The following C2CD3 variants were observed in gnomAD, a reference collection of about 807,000 sequenced individuals.
The protein encoded by C2CD3 is C2 domain containing 3 centriole elongation regulator.
In C2CD3, 148 loss-of-function variants were observed where a neutral mutation model predicts 234.0. That is an observed-to-expected ratio of 0.63 (90% CI 0.55 to 0.72). C2CD3 has a LOEUF of 0.72. Ranked by LOEUF, C2CD3 falls within the 30% of genes least tolerant of loss-of-function variation. C2CD3 has a pLI of 0.00. For missense variants in C2CD3, 2,577 were observed against 2,811.5 expected, an observed-to-expected ratio of 0.92 and a Z score of 1.89; for synonymous variants, 1,000 against 1,035.4, an observed-to-expected ratio of 0.97 and a Z score of 0.66.
At chr11:74,122,665 T>C (rs1182212248) in intron 8 of C2CD3, among the ~76,000 whole-genome samples, 2 of 152,210 alleles carry the variant, frequency 1.3e-5, no homozygotes, top group African/African-American at 4.8e-5. Flanking sequence ...GTTCTGAGGG[T>C]ATAACTACAT....
At chr11:74,104,163 C>T (rs1956425092) in intron 13 of C2CD3, among the ~76,000 whole-genome samples, 1 of 152,114 alleles carries the variant, frequency 6.6e-6, no homozygotes, top group Non-Finnish European at 1.5e-5. Context: ...GAGGAACATT[C>T]TTTAAAATAA....
At position 74,078,468 on chromosome 11, in the gene C2CD3, G is replaced by C. The variant is rs1205776567; in HGVS notation, c.4250C>G (p.Pro1417Arg). Residue 1417 changes from proline (P) to arginine (R), a missense_variant, in exon 23 of 33, where the codon CCC becomes CGC. Transcript: ENST00000334126. ...VTISTPRLWL[P>R]IHCVLLAGHN... ...GCCAGCAAGCAGCACACAATGGATG[G>C]GCAGCCACAGCCTTGGGGTGGAGAT... is the stretch of plus-strand genomic sequence containing the variant. 6.2e-7 allele frequency: 1 copy of C among 1,614,136 alleles called. No homozygotes were observed. Among genetic ancestry groups the C allele is most frequent in the Admixed American group, 1.7e-5 (1 of 60,018 alleles).
At chr11:74,137,201 C>G (rs1034807842) in intron 5 of C2CD3, among the ~76,000 whole-genome samples, 3 of 151,950 alleles carry the variant, frequency 2.0e-5, no homozygotes, top group African/African-American at 7.2e-5. Context: ...TCTCACCTTC[C>G]TGGCTTCATA....
intron 26 of C2CD3, 43 bp downstream of exon 26, chr11:74,054,564 T>C: frequency 8.7e-7 from 1 of 1,144,122 alleles, no homozygotes; most frequent in Non-Finnish European, 1.3e-6. Context: ...GATGTGAGCT[T>C]ATTTTTACAA....
At chr11:74,060,131 G>C (rs992111002) in intron 24 of C2CD3, among the ~76,000 whole-genome samples, 1 of 152,228 alleles carries the variant, frequency 6.6e-6, no homozygotes, top group Non-Finnish European at 1.5e-5. Flanking sequence ...AGCTCGAACT[G>C]GGTGGAGCCC....
At chr11:74,088,197 C>T (rs1250010982) in intron 20 of C2CD3, among the ~76,000 whole-genome samples, 2 of 152,086 alleles carry the variant, frequency 1.3e-5, no homozygotes, top group Admixed American at 6.5e-5. Flanking sequence ...TATATTTGTA[C>T]AATAGTTTGT....
At position 74,078,687 on chromosome 11, in the gene C2CD3, G is replaced by A. The variant is rs150661838; in HGVS notation, c.4031C>T (p.Pro1344Leu). ...GCCATGAGGTAGGCCCCCGTCTTCT[G>A]GTAAAATGATAGGATACCATCCTGT... ...GITGWYPIIL[P>L]EDGGLPHGLE... Residue 1344 changes from proline (P) to leucine (L), a missense_variant, in exon 23 of 33, where the codon CCA (proline) becomes CTA (leucine). Transcript: ENST00000334126. 280 of 1,610,246 alleles carry A rather than the reference G, an allele frequency of 1.7e-4. No individual in the cohort carries two copies. The African/African-American group carries it at 3.3e-3, about 19-fold the overall frequency.
chr11:74,124,073 T>C (rs1957317439), intron 7 of C2CD3, among the ~76,000 whole-genome samples: 1 of 152,166 alleles, frequency 6.6e-6, no homozygotes, highest in Non-Finnish European at 1.5e-5. Context: ...AAATTCCATA[T>C]TTTCCCTCAA....
chr11:74,095,092 G>A, intron 17 of C2CD3, 136 bp downstream of exon 17: 4 of 431,976 alleles, frequency 9.3e-6, no homozygotes, highest in Middle Eastern at 1.3e-3. Flanking sequence ...AAAAAACTTG[G>A]CCTATCTCCT....
chr11:74,041,979 T>A lies in C2CD3; in HGVS notation c.5660+75A>T, dbSNP rs1310974897. On this transcript the variant is annotated intron_variant, in intron 29 of 32. Coordinates refer to ENST00000334126, the MANE Select transcript of C2CD3 (RefSeq NM_001286577.2). ...GCGGTGGCAGGTGATGGAAAAGCAGTAATGCACATTGCCATTTCTCATTCA... is the reference window on the plus strand; with the variant it reads ...GCGGTGGCAGGTGATGGAAAAGCAGAAATGCACATTGCCATTTCTCATTCA... 9.7e-6 allele frequency: 14 copies of A among 1,445,288 alleles called. No individual in the cohort carries two copies. In the African/African-American group the frequency reaches 2.0e-4, roughly 20 times the overall value. 89.5% of individuals were successfully genotyped at this position (1,445,288 alleles called of 1,614,324 possible).
intron 3 of C2CD3, among the ~76,000 whole-genome samples, chr11:74,154,144 AAACTTGG>A (rs1318483279): frequency 6.6e-6 from 1 of 152,164 alleles, no homozygotes; most frequent in African/African-American, 2.4e-5. Flanking sequence ...AAATCTTTGC[AAACTTGG>A]ATTAGGGGAA....
rs1164521736 is a variant in C2CD3, at chr11:74,123,144, A to G, written c.1218-9T>C. 1.9e-6 allele frequency: 3 copies of G among 1,605,132 alleles called. No individual in the cohort carries two copies. Among genetic ancestry groups the G allele is most frequent in the African/African-American group, 1.3e-5 (1 of 74,776 alleles). ...CTTGGGATAATTCAGCACTGCAGAG[A>G]TAAGAAAACAAAGCAGAAGAATTTT... On this transcript the variant is annotated splice_polypyrimidine_tract_variant and intron_variant, in intron 7 of 32. Transcript: ENST00000334126.
intron 28 of C2CD3, among the ~76,000 whole-genome samples, chr11:74,042,998 A>C (rs1470972379): frequency 1.3e-5 from 2 of 152,218 alleles, no homozygotes. Context: ...TCACCGCTTT[A>C]TTGAGATATA....
At chr11:74,130,264 C>G (rs1165298682) in intron 7 of C2CD3, among the ~76,000 whole-genome samples, 3 of 148,612 alleles carry the variant, frequency 2.0e-5, no homozygotes, top group Non-Finnish European at 4.4e-5. Context: ...CTCGCTTTGT[C>G]GCTGAAGCTG....
intron 18 of C2CD3, among the ~76,000 whole-genome samples, chr11:74,092,964 G>C (rs1426048701): frequency 2.0e-5 from 3 of 152,100 alleles, no homozygotes; most frequent in Admixed American, 2.0e-4. Context: ...TAATTTACCA[G>C]GGTAATGAGG....
At chr11:74,020,915 A>C (rs1235174151) in intron 32 of C2CD3, among the ~76,000 whole-genome samples, 2 of 152,206 alleles carry the variant, frequency 1.3e-5, no homozygotes, top group African/African-American at 4.8e-5. Context: ...AGGATGCTGT[A>C]TGGGGAATGG....
chr11:74,016,958 G>C (rs1280280718), intron 32 of C2CD3, among the ~76,000 whole-genome samples: 3 of 152,180 alleles, frequency 2.0e-5, no homozygotes, highest in African/African-American at 7.2e-5. Context: ...TCCATGGGGT[G>C]AAGTCCCTGG....
chr11:74,096,968 G>A (rs892118390), intron 16 of C2CD3, among the ~76,000 whole-genome samples: 25 of 152,034 alleles, frequency 1.6e-4, no homozygotes, highest in African/African-American at 6.0e-4. Context: ...TGGGCAATAT[G>A]GTGAAATCCC....
intron 7 of C2CD3, among the ~76,000 whole-genome samples, chr11:74,130,127 G>C (rs1320766779): frequency 7.3e-6 from 1 of 137,588 alleles, no homozygotes. Flanking sequence ...GGGAGGGGGA[G>C]AGGGAGAGGG....
Sources: gnomAD v4.1 joint callset for allele counts (sites outside exome capture counted in the v4.1 genomes callset) on GRCh38, gnomAD v4.1.1 for gene constraint, MANE v1.5 for transcripts, NCBI Gene and HGNC (gene_info 2026-07-23, HGNC 2026-07-21) for gene names.